NIPA1: variants seen among roughly 807,000 people sequenced by gnomAD.
The protein encoded by NIPA1 is NIPA magnesium transporter 1, also known as magnesium transporter NIPA1.
NIPA1 carries 13 observed loss-of-function variants against 23.9 expected under a neutral mutation model. The observed-to-expected ratio is 0.54, with a 90% confidence interval of 0.35 to 0.87. The LOEUF (loss-of-function observed/expected upper bound fraction) is 0.87, where lower values mean the gene tolerates loss of function less well. Ranked by LOEUF, NIPA1 falls within the 40% of genes least tolerant of loss-of-function variation. The pLI, the probability that NIPA1 is intolerant of heterozygous loss-of-function variation, is 0.01. For missense variants in NIPA1, 362 were observed against 429.7 expected, an observed-to-expected ratio of 0.84 and a Z score of 1.39; for synonymous variants, 234 against 202.9, an observed-to-expected ratio of 1.15 and a Z score of -1.30.
At chr15:22,787,435 C>T (rs1273915786) in intron 1 of NIPA1, among the ~76,000 whole-genome samples, 2 of 152,218 alleles carry the variant, frequency 1.3e-5, no homozygotes, top group East Asian at 3.9e-4. Flanking sequence ...GCCCGCTGCG[C>T]CTTAGACCTG....
At chr15:22,791,263 A>G (rs11632932) in intron 1 of NIPA1, among the ~76,000 whole-genome samples, 38,161 of 151,874 alleles carry the variant, frequency 0.25, 6,100 homozygotes, top group Non-Finnish European at 0.36. Context: ...GGAGTTTCCA[A>G]TGTCTGTTAT....
intron 4 of NIPA1, among the ~76,000 whole-genome samples, chr15:22,822,849 A>C (rs1825227417): frequency 6.6e-6 from 1 of 150,944 alleles, no homozygotes; most frequent in Admixed American, 6.6e-5. Flanking sequence ...AACAAACAAC[A>C]AGAAAAAAAG....
At chr15:22,799,893 A>G (rs962781307) in intron 1 of NIPA1, among the ~76,000 whole-genome samples, 5 of 141,796 alleles carry the variant, frequency 3.5e-5, no homozygotes, top group Non-Finnish European at 7.6e-5. Flanking sequence ...TCAGGGAGCC[A>G]AGATCGCACC....
At chr15:22,798,835 CAAAAAAAAAA>C (rs1206327395) in intron 1 of NIPA1, among the ~76,000 whole-genome samples, 21 of 73,108 alleles carry the variant, frequency 2.9e-4, no homozygotes, top group East Asian at 4.4e-4. Flanking sequence ...GACTCCGTCT[CAAAAAAAAAA>C]AAAAAAAAAA....
At chr15:22,793,306 A>C (rs1219029712) in intron 1 of NIPA1, among the ~76,000 whole-genome samples, 3 of 136,166 alleles carry the variant, frequency 2.2e-5, no homozygotes, top group African/African-American at 8.5e-5. Context: ...CTGAGATCGC[A>C]CCACTGCACT....
chr15:22,799,996 A>T (rs1029314528), intron 1 of NIPA1, among the ~76,000 whole-genome samples: 3 of 150,646 alleles, frequency 2.0e-5, no homozygotes, highest in African/African-American at 7.3e-5. Context: ...GATGTAATAG[A>T]CACTGGGGAC....
chr15:22,810,615 G>A, intron 1 of NIPA1, 134 bp from the exon 2 acceptor site: 3 of 685,604 alleles, frequency 4.4e-6, no homozygotes, highest in South Asian at 3.1e-5. Flanking sequence ...TCTCTTTAGG[G>A]TGAATAAACA....
intron 1 of NIPA1, among the ~76,000 whole-genome samples, chr15:22,794,783 A>C (rs576757719): frequency 1.3e-5 from 2 of 152,134 alleles, no homozygotes; most frequent in Non-Finnish European, 2.9e-5. Flanking sequence ...GTGGAGACGG[A>C]ACGAGGTTAG....
intron 4 of NIPA1, among the ~76,000 whole-genome samples, chr15:22,823,011 C>T (rs1486135527): frequency 1.7e-4 from 21 of 126,912 alleles, no homozygotes; most frequent in Non-Finnish European, 3.3e-4. Context: ...CTCTGCCTCC[C>T]GGGTTCAAGC....
In NIPA1 at chr15:22,820,370, G is replaced by T. The variant is rs750449568; in HGVS notation, c.375G>T (p.Gly125=). 20 of 1,612,028 alleles carry T rather than the reference G, an allele frequency of 1.2e-5. No homozygotes were observed. The highest frequency in any genetic ancestry group is 1.7e-5 in the Non-Finnish European group (20 of 1,178,242). ...KEKLNILGKL[G]CLLSCAGSVV... is the part of the protein sequence containing the mutation. Reference sequence around the variant, plus strand: ...AGCTCAACATCTTGGGCAAGTTGGGGTGCCTGCTAAGCTGTGCAGGCTCCG... The same window carrying T: ...AGCTCAACATCTTGGGCAAGTTGGGTTGCCTGCTAAGCTGTGCAGGCTCCG... Residue 125 remains glycine (G), a synonymous_variant, in exon 4 of 5, where the codon GGG becomes GGT. Coordinates refer to ENST00000337435, the MANE Select transcript of NIPA1 (RefSeq NM_144599.5).
chr15:22,804,215 T>C (rs991714075), intron 1 of NIPA1, among the ~76,000 whole-genome samples: 3 of 151,824 alleles, frequency 2.0e-5, no homozygotes, highest in African/African-American at 7.3e-5. Context: ...TGACCCCAGG[T>C]GATTCACCCA....
chr15:22,829,428 AG>A lies in NIPA1; in HGVS notation c.*5190del, dbSNP rs1895711822. On this transcript the variant is annotated 3_prime_UTR_variant, in exon 5 of 5. Transcript: ENST00000337435. ...GAATATAATAATTGCCCCCCACCTT[AG>A]TATTTTTGCACTTTACAGAAATTTA... The A allele has an allele frequency of 6.6e-6, 1 of 152,502 alleles. No homozygotes were observed. Among genetic ancestry groups the A allele is most frequent in the Non-Finnish European group, 1.5e-5 (1 of 68,014 alleles). 9.4% of individuals were successfully genotyped at this position (152,502 alleles called of 1,614,324 possible). A position where few individuals can be genotyped will look rare whatever the true frequency, so the allele number is the denominator to read the frequency against.
chr15:22,802,253 G>C (rs914844453), intron 1 of NIPA1, among the ~76,000 whole-genome samples: 1 of 151,904 alleles, frequency 6.6e-6, no homozygotes, highest in African/African-American at 2.4e-5. Flanking sequence ...TTAGCCAGGC[G>C]TGGTGGCACA....
At position 22,823,215 on chromosome 15, in the gene NIPA1, A is replaced by T. The variant is rs1242777831; in HGVS notation, c.479-513A>T. ...TGTGAGCCATTGTGCCCTTCTGTAA[A>T]TTTTTTTTTTTTTTTCTGAGATGGA... On this transcript the variant is annotated intron_variant, in intron 4 of 4. Coordinates refer to ENST00000337435, the MANE Select transcript of NIPA1 (RefSeq NM_144599.5). Among the ~76,000 whole-genome samples, 24 of 108,038 alleles carry T rather than the reference A, an allele frequency of 2.2e-4. 2 individuals are homozygous for T. The South Asian group carries it at 3.9e-3, about 17-fold the overall frequency. 70.9% of individuals were successfully genotyped at this position (108,038 alleles called of 152,430 possible). A position where few individuals can be genotyped will look rare whatever the true frequency, so the allele number is the denominator to read the frequency against.
intron 1 of NIPA1, among the ~76,000 whole-genome samples, chr15:22,806,364 T>C (rs929325487): frequency 1.3e-5 from 2 of 152,230 alleles, no homozygotes; most frequent in African/African-American, 2.4e-5. Flanking sequence ...CAAACACTTC[T>C]TTGTTTTATA....
intron 3 of NIPA1, among the ~76,000 whole-genome samples, chr15:22,818,427 ACT>A (rs1425689637): frequency 1.3e-5 from 2 of 150,722 alleles, no homozygotes; most frequent in African/African-American, 4.9e-5. Flanking sequence ...CAAGAGGGAA[ACT>A]CTGTCTCAAC....
At position 22,821,520 on chromosome 15, in the gene NIPA1, A is replaced by C. The variant is rs191349975; in HGVS notation, c.478+1047A>C. ...CACACTCGCTGGTTTTCTCGTCCAC[A>C]CTCACTGGTTTTGTCCACACTCGGT... On this transcript the variant is annotated intron_variant, in intron 4 of 4. Transcript: ENST00000337435. Among the ~76,000 whole-genome samples the C allele has an allele frequency of 6.6e-3, 929 of 141,016 alleles. 9 individuals are homozygous for C. The highest frequency in any genetic ancestry group is 9.1e-3 in the Non-Finnish European group (598 of 65,490). 92.5% of individuals were successfully genotyped at this position (141,016 alleles called of 152,430 possible).
chr15:22,794,292 C>T (rs758396314), intron 1 of NIPA1, among the ~76,000 whole-genome samples: 5 of 133,944 alleles, frequency 3.7e-5, no homozygotes, highest in Admixed American at 9.2e-5. Flanking sequence ...ATGTGAGGCA[C>T]CCACTGCAGT....
chr15:22,802,160 G>A (rs960169076), intron 1 of NIPA1, among the ~76,000 whole-genome samples: 26 of 151,998 alleles, frequency 1.7e-4, no homozygotes, highest in African/African-American at 4.8e-4. Flanking sequence ...TTGGGAGGCC[G>A]AGGCAGGCAG....
Sources: allele counts gnomAD v4.1 joint callset (sites outside exome capture counted in the v4.1 genomes callset), GRCh38; gene constraint gnomAD v4.1.1; transcripts MANE v1.5; gene names NCBI Gene and HGNC (gene_info 2026-07-23, HGNC 2026-07-21).